The following ADAMTS18 variants were observed in gnomAD, a reference collection of about 807,000 sequenced individuals.
ADAMTS18 encodes ADAM metallopeptidase with thrombospondin type 1 motif 18.
Under a neutral mutation model 165.9 loss-of-function variants are expected in ADAMTS18, and 157 were observed. The observed-to-expected ratio is 0.95, with a 90% confidence interval of 0.83 to 1.08. The LOEUF is 1.08. ADAMTS18 is among the 50% of genes least tolerant of loss of function. ADAMTS18 has a pLI of 0.00. For missense variants in ADAMTS18, 2,040 were observed against 1,534.0 expected, an observed-to-expected ratio of 1.33 and a Z score of -5.51; for synonymous variants, 782 against 578.2, an observed-to-expected ratio of 1.35 and a Z score of -5.06.
intron 10 of ADAMTS18, among the ~76,000 whole-genome samples, chr16:77,342,824 T>C (rs1045123776): frequency 6.6e-6 from 1 of 152,188 alleles, no homozygotes; most frequent in Admixed American, 6.5e-5. Flanking sequence ...AGGCAGAGAC[T>C]GTCCTAAATT....
At chr16:77,295,501 C>G (rs1184653135) in intron 18 of ADAMTS18, among the ~76,000 whole-genome samples, 1 of 152,114 alleles carries the variant, frequency 6.6e-6, no homozygotes, top group Non-Finnish European at 1.5e-5. Flanking sequence ...ATTAAGGAGC[C>G]TATAACACAG....
chr16:77,321,354 T>G (rs1006439881), intron 14 of ADAMTS18, 152 bp from the exon 15 acceptor site: 10 of 1,019,772 alleles, frequency 9.8e-6, no homozygotes, highest in Admixed American at 6.7e-5. Flanking sequence ...TTGGACTCAC[T>G]TGGGGTTCAA....
At chr16:77,403,675 T>G (rs1349852929) in intron 3 of ADAMTS18, among the ~76,000 whole-genome samples, 1 of 152,208 alleles carries the variant, frequency 6.6e-6, no homozygotes, top group Non-Finnish European at 1.5e-5. Flanking sequence ...GTTTACTATC[T>G]GTTAGGGGAG....
At chr16:77,346,974 T>C (rs542738661) in intron 10 of ADAMTS18, among the ~76,000 whole-genome samples, 2 of 152,334 alleles carry the variant, frequency 1.3e-5, no homozygotes, top group East Asian at 3.9e-4. Flanking sequence ...GTCAATTCCC[T>C]TCTTAGGGCA....
chr16:77,364,100 A>C, intron 5 of ADAMTS18, 88 bp downstream of exon 5: 1 of 1,536,342 alleles, frequency 6.5e-7, no homozygotes, highest in Non-Finnish European at 9.0e-7. Flanking sequence ...GCACCGACCT[A>C]ATACACCTGC....
At chr16:77,417,352 T>C (rs996983507) in intron 3 of ADAMTS18, among the ~76,000 whole-genome samples, 1 of 152,044 alleles carries the variant, frequency 6.6e-6, no homozygotes, top group African/African-American at 2.4e-5. Flanking sequence ...GAAAAAGAAA[T>C]GTCAAGTTGT....
intron 3 of ADAMTS18, among the ~76,000 whole-genome samples, chr16:77,395,554 C>A (rs1326629952): frequency 2.0e-5 from 3 of 152,154 alleles, no homozygotes; most frequent in Non-Finnish European, 4.4e-5. Flanking sequence ...CCCCATAAAG[C>A]ATAACTTCAT....
At chr16:77,350,318 T>C (rs2056537752) in intron 10 of ADAMTS18, among the ~76,000 whole-genome samples, 1 of 151,850 alleles carries the variant, frequency 6.6e-6, no homozygotes, top group South Asian at 2.1e-4. Flanking sequence ...TGGGGATGAG[T>C]GATCCAAAAG....
At chr16:77,402,679 A>G (rs1449172688) in intron 3 of ADAMTS18, among the ~76,000 whole-genome samples, 1 of 152,248 alleles carries the variant, frequency 6.6e-6, no homozygotes, top group Non-Finnish European at 1.5e-5. Context: ...GAATAATTAA[A>G]GACTAATGAT....
At chr16:77,287,422 C>G (rs1036264735) in intron 22 of ADAMTS18, among the ~76,000 whole-genome samples, 1 of 152,110 alleles carries the variant, frequency 6.6e-6, no homozygotes. Flanking sequence ...AGAACAAACA[C>G]GTGGGCTCGT....
chr16:77,334,252 C>T (rs62652209), intron 12 of ADAMTS18, among the ~76,000 whole-genome samples: 8,554 of 15,820 alleles, frequency 0.54, 3,185 homozygotes, highest in East Asian at 0.71. Context: ...TTATATATTA[C>T]ATATAATATA....
Position 77,340,286 on chromosome 16 carries a change from T to C in ADAMTS18, c.1710+1418A>G, listed in dbSNP as rs139777525. 5.2e-3 allele frequency among the ~76,000 whole-genome samples: 795 copies of C among 152,346 alleles called. 14 individuals carry two copies. Among genetic ancestry groups the C allele is most frequent in the African/African-American group, 0.019 (771 of 41,586 alleles). On this transcript the variant is annotated intron_variant, in intron 11 of 22. Transcript: ENST00000282849. ...GCCTCCAGGATGCAAGTGATTCTCA[T>C]ACCTCAGCCTCCCAAGTAGCTGGGA...
Position 77,434,723 on chromosome 16 carries a change from G to A in ADAMTS18, c.-28C>T, listed in dbSNP as rs899072777. 5 of 1,416,734 alleles carry A rather than the reference G, an allele frequency of 3.5e-6. No individual in the cohort carries two copies. Among genetic ancestry groups the A allele is most frequent in the African/African-American group, 3.0e-5 (2 of 66,878 alleles). The allele number at this position is 1,416,734 out of a possible 1,614,324, so 87.8% of individuals were successfully genotyped here. A position where few individuals can be genotyped will look rare whatever the true frequency, so the allele number is the denominator to read the frequency against. The stretch of plus-strand genomic sequence containing the variant: ...TCAGGTGCGGACGCGGCGGCTGCGG[G>A]TGGCCAGACGCGGCAGGCGGAGCGC... On this transcript the variant is annotated 5_prime_UTR_variant, in exon 1 of 23. Transcript: ENST00000282849.
intron 3 of ADAMTS18, among the ~76,000 whole-genome samples, chr16:77,408,714 C>A (rs1296705004): frequency 6.6e-6 from 1 of 152,072 alleles, no homozygotes; most frequent in African/African-American, 2.4e-5. Context: ...CAATTTGGAA[C>A]TGAGAGAAGG....
chr16:77,366,793 T>A (rs1597179020), intron 4 of ADAMTS18, among the ~76,000 whole-genome samples: 1 of 152,216 alleles, frequency 6.6e-6, no homozygotes, highest in Non-Finnish European at 1.5e-5. Context: ...GAAAAAATAA[T>A]GTAACTCTCT....
chr16:77,402,533 C>T (rs765217864), intron 3 of ADAMTS18, among the ~76,000 whole-genome samples: 1 of 152,068 alleles, frequency 6.6e-6, no homozygotes, highest in African/African-American at 2.4e-5. Context: ...AAGCGGTGGC[C>T]GAGATCACTA....
rs548626397 is a variant in ADAMTS18, at chr16:77,305,185, G to C, written c.2533-4781C>G. ...ATATTATTTGCTTCTCAATAAGTAA[G>C]ATGCTCTTTGCCCCCATCTTTATTC... On this transcript the variant is annotated intron_variant, in intron 16 of 22. Coordinates refer to ENST00000282849, the MANE Select transcript of ADAMTS18 (RefSeq NM_199355.4). Among the ~76,000 whole-genome samples, 105 of 152,252 alleles carry C rather than the reference G, an allele frequency of 6.9e-4. 1 individual carries two copies. The highest frequency in any genetic ancestry group is 2.4e-3 in the African/African-American group (99 of 41,542).
At chr16:77,432,954 A>G (rs1359986082) in intron 2 of ADAMTS18, among the ~76,000 whole-genome samples, 1 of 151,622 alleles carries the variant, frequency 6.6e-6, no homozygotes, top group Non-Finnish European at 1.5e-5. Flanking sequence ...ATGTCCTCCC[A>G]CTCCCATTTT....
intron 22 of ADAMTS18, among the ~76,000 whole-genome samples, chr16:77,285,415 C>T (rs1462195981): frequency 6.6e-6 from 1 of 150,900 alleles, no homozygotes; most frequent in African/African-American, 2.5e-5. Context: ...TCGGGTGATC[C>T]GTCTGCCTCA....
Sources: gnomAD v4.1 joint callset for allele counts (sites outside exome capture counted in the v4.1 genomes callset) on GRCh38, gnomAD v4.1.1 for gene constraint, MANE v1.5 for transcripts, NCBI Gene and HGNC (gene_info 2026-07-23, HGNC 2026-07-21) for gene names.